Variants in KIAA0232 observed in about 807,000 individuals in gnomAD.
KIAA0232 encodes the protein uncharacterized protein KIAA0232.
KIAA0232 carries 27 observed loss-of-function variants against 122.0 expected under a neutral mutation model. That is an observed-to-expected ratio of 0.22 (90% CI 0.16 to 0.31). KIAA0232 has a LOEUF of 0.31. Among genes scored for constraint, KIAA0232 ranks in the 10% least tolerant of loss-of-function variants. The probability of loss-of-function intolerance (pLI) is 1.00; values close to 1 mark genes in which losing one functional copy is unlikely to be tolerated. For missense variants in KIAA0232, 1,551 were observed against 1,634.2 expected (o/e 0.95, Z 0.88); for synonymous variants, 613 against 587.6 (o/e 1.04, Z -0.63).
intron 4 of KIAA0232, among the ~76,000 whole-genome samples, chr4:6,850,384 C>T (rs529369300): frequency 2.0e-5 from 3 of 152,236 alleles, no homozygotes; most frequent in Non-Finnish European, 4.4e-5. Flanking sequence ...TGCTTATTTT[C>T]GTATGTTTAC....
intron 1 of KIAA0232, among the ~76,000 whole-genome samples, chr4:6,783,724 T>A (rs1279761924): frequency 6.6e-6 from 1 of 150,992 alleles, no homozygotes; most frequent in Non-Finnish European, 1.5e-5. Flanking sequence ...GCGGGGCCGG[T>A]GCGGCGCAAG....
At position 6,820,709 on chromosome 4, in the gene KIAA0232, A is replaced by G. The variant is rs1718384073; in HGVS notation, c.-269-3476A>G. Among the ~76,000 whole-genome samples the G allele has an allele frequency of 1.3e-4, 20 of 152,244 alleles. 1 individual carries two copies. The South Asian group carries it at 4.0e-3, about 31-fold the overall frequency. ...AAGCAATTGTCTTTTAAAGATATTT[A>G]AATAATAAGACAAATGTTGTTATTT... On this transcript the variant is annotated intron_variant, in intron 2 of 9. Coordinates refer to ENST00000307659, the MANE Select transcript of KIAA0232 (RefSeq NM_014743.3).
chr4:6,797,642 C>T (rs1717187431), intron 1 of KIAA0232, among the ~76,000 whole-genome samples: 1 of 151,450 alleles, frequency 6.6e-6, no homozygotes. Flanking sequence ...GGTGTATGCC[C>T]ATAGTCCCAG....
In KIAA0232 at chr4:6,824,493, T is replaced by C; in HGVS notation, c.40T>C (p.Ser14Pro). 1 of 1,614,230 alleles carries C rather than the reference T, an allele frequency of 6.2e-7. No homozygotes were observed. Among genetic ancestry groups the C allele is most frequent in the Non-Finnish European group, 8.5e-7 (1 of 1,180,028 alleles). The change falls in exon 3 of 10, where the codon TCT (serine) becomes CCT (proline). Residue 14 changes from serine to proline, a missense_variant. Around this residue, in one of 5 missense-constraint regions of KIAA0232, gnomAD observed 37 missense variants for 28.5 expected, o/e 1.30. Transcript: ENST00000307659. Reference sequence around the variant, plus strand: ...TACAGTTGTTGTGGATGGTTTGCCATCTGAAAGCTCCTCAAGTTCTTATCC... The same window carrying C: ...TACAGTTGTTGTGGATGGTTTGCCACCTGAAAGCTCCTCAAGTTCTTATCC... ...ICTVVVDGLP[S>P]ESSSSSYPGP...
chr4:6,825,828 C>A lies in KIAA0232; in HGVS notation c.231+1144C>A, dbSNP rs541271529. Among the ~76,000 whole-genome samples, 62 of 152,214 alleles carry A rather than the reference C, an allele frequency of 4.1e-4. 1 individual carries two copies. In the South Asian group the frequency reaches 0.011, roughly 26 times the overall value. On this transcript the variant is annotated intron_variant, in intron 3 of 9. Transcript: ENST00000307659. ...GGGCAGTTTTTGTTGCAGTTTTAAA[C>A]CATCGTTACCCACACTGAGAGCAGG...
intron 3 of KIAA0232, among the ~76,000 whole-genome samples, chr4:6,827,304 G>C (rs1164390795): frequency 6.6e-6 from 1 of 152,216 alleles, no homozygotes; most frequent in Non-Finnish European, 1.5e-5. Context: ...TGTACTTACG[G>C]TTTCCCCAGG....
chr4:6,840,883 T>C lies in KIAA0232; in HGVS notation c.232-1184T>C, dbSNP rs530401225. On this transcript the variant is annotated intron_variant, in intron 3 of 9. Coordinates refer to ENST00000307659, the MANE Select transcript of KIAA0232 (RefSeq NM_014743.3). The stretch of plus-strand genomic sequence containing the variant: ...GATAACAATAAGTGAGATAGAAATA[T>C]CTTGGTTCTTTTTATACTCATTTCT... Among the ~76,000 whole-genome samples, 11 of 152,290 alleles carry C rather than the reference T, an allele frequency of 7.2e-5. No homozygotes were observed. In the South Asian group the frequency reaches 1.9e-3, roughly 26 times the overall value.
intron 1 of KIAA0232, among the ~76,000 whole-genome samples, chr4:6,795,570 T>G (rs1194709267): frequency 2.0e-5 from 3 of 152,234 alleles, no homozygotes; most frequent in Non-Finnish European, 4.4e-5. Flanking sequence ...TTCACCTGTT[T>G]CTTTTTTAAT....
chr4:6,815,546 A>T (rs985751602), intron 2 of KIAA0232, among the ~76,000 whole-genome samples: 3 of 152,168 alleles, frequency 2.0e-5, no homozygotes, highest in Non-Finnish European at 4.4e-5. Context: ...GAACATTTAG[A>T]TCTGTCATTA....
At chr4:6,783,274 A>G (rs1487671659) in intron 1 of KIAA0232, among the ~76,000 whole-genome samples, 1 of 151,968 alleles carries the variant, frequency 6.6e-6, no homozygotes, top group Admixed American at 6.5e-5. Flanking sequence ...CCCCGCCCCG[A>G]CCCCAGGACG....
intron 8 of KIAA0232, among the ~76,000 whole-genome samples, chr4:6,875,711 A>G (rs1721715275): frequency 6.6e-6 from 1 of 152,168 alleles, no homozygotes; most frequent in South Asian, 2.1e-4. Context: ...GTTTTGAGGA[A>G]GTAGATGCTC....
At chr4:6,812,089 T>C (rs752084863) in intron 2 of KIAA0232, among the ~76,000 whole-genome samples, 3 of 152,084 alleles carry the variant, frequency 2.0e-5, no homozygotes, top group Non-Finnish European at 1.5e-5. Context: ...TATTTCAGAG[T>C]AGCTGTGATT....
intron 1 of KIAA0232, among the ~76,000 whole-genome samples, chr4:6,796,521 C>G (rs955591254): frequency 6.6e-6 from 1 of 152,180 alleles, no homozygotes; most frequent in African/African-American, 2.4e-5. Context: ...GGATTGCAGG[C>G]GTGAGCCACC....
At chr4:6,864,422 A>G (rs1214614277) in intron 7 of KIAA0232, among the ~76,000 whole-genome samples, 4 of 152,156 alleles carry the variant, frequency 2.6e-5, no homozygotes, top group Non-Finnish European at 2.9e-5. Flanking sequence ...ACAGGATGTA[A>G]GATTCCTATG....
chr4:6,863,473 G>A lies in KIAA0232; in HGVS notation c.3091G>A (p.Glu1031Lys). ...AGGAGCTTGTGGCAACTTTCAAGTC[G>A]AAGATCCTGGACTTGAATACTCATT... is the stretch of plus-strand genomic sequence containing the variant. ...LLGACGNFQV[E>K]DPGLEYSFSS... The change falls in exon 7 of 10, where the codon GAA becomes AAA. Residue 1031 changes from glutamate to lysine, a missense_variant. Physicochemically the swap from Glu to Lys is moderately conservative, Grantham distance 56. Coordinates refer to ENST00000307659, the MANE Select transcript of KIAA0232 (RefSeq NM_014743.3). 6 of 1,614,090 alleles carry A rather than the reference G, an allele frequency of 3.7e-6. No homozygotes were observed. The highest frequency in any genetic ancestry group is 5.1e-6 in the Non-Finnish European group (6 of 1,179,994).
intron 2 of KIAA0232, among the ~76,000 whole-genome samples, chr4:6,812,499 A>C (rs2108979091): frequency 6.6e-6 from 1 of 152,314 alleles, no homozygotes; most frequent in South Asian, 2.1e-4. Context: ...GAAATAATAA[A>C]TTTAAAGTCC....
chr4:6,836,864 G>T (rs894669549), intron 3 of KIAA0232, among the ~76,000 whole-genome samples: 5 of 151,932 alleles, frequency 3.3e-5, no homozygotes, highest in Non-Finnish European at 7.4e-5. Context: ...CGGGGTTGGG[G>T]GCAAGGTTAT....
chr4:6,849,938 G>A (rs1476279411), intron 4 of KIAA0232, among the ~76,000 whole-genome samples: 1 of 152,122 alleles, frequency 6.6e-6, no homozygotes, highest in Non-Finnish European at 1.5e-5. Context: ...GGGTTGGTGG[G>A]GTAGAGTGGT....
intron 1 of KIAA0232, among the ~76,000 whole-genome samples, chr4:6,788,542 C>T (rs560524398): frequency 6.6e-6 from 1 of 152,072 alleles, no homozygotes; most frequent in Non-Finnish European, 1.5e-5. Flanking sequence ...CTATTTTTTC[C>T]TTATGACTTT....
Sources: allele counts gnomAD v4.1 joint callset (sites outside exome capture counted in the v4.1 genomes callset), GRCh38; gene constraint gnomAD v4.1.1; regional missense constraint gnomAD v4.1.1; transcripts MANE v1.5; gene names NCBI Gene and HGNC (gene_info 2026-07-23, HGNC 2026-07-21).